The following FIRRM variants were observed in gnomAD, a reference collection of about 807,000 sequenced individuals.
FIRRM encodes FIGNL1-interacting regulator of recombination and mitosis.
At chr1:169,795,411 C>T in the FIRRM span, 1 of 1,402,344 alleles carries the variant, frequency 7.1e-7, no homozygotes, top group Non-Finnish European at 9.3e-7. Context: ...TTAAGTAAGG[C>T]TTTGGCCCTG....
At chr1:169,815,332 T>A in the FIRRM span, among the ~76,000 whole-genome samples, 1 of 151,714 alleles carries the variant, frequency 6.6e-6, no homozygotes, top group Non-Finnish European at 1.5e-5. Context: ...GAATGGTTAC[T>A]CCATAGGTGG....
At chr1:169,789,234 G>T in the FIRRM span, among the ~76,000 whole-genome samples, 1 of 152,336 alleles carries the variant, frequency 6.6e-6, no homozygotes, top group South Asian at 2.1e-4. Flanking sequence ...AGTTCATGGA[G>T]TCAGAGTTTC....
At chr1:169,821,466 G>T in the FIRRM span, among the ~76,000 whole-genome samples, 1 of 151,968 alleles carries the variant, frequency 6.6e-6, no homozygotes, top group Non-Finnish European at 1.5e-5. Flanking sequence ...CAGTAATGTA[G>T]AATTTAATTT....
chr1:169,807,707 C>G, the FIRRM span: 1 of 1,233,214 alleles, frequency 8.1e-7, no homozygotes, highest in Non-Finnish European at 1.1e-6. Flanking sequence ...TTTAAATGTT[C>G]TACAAGGTAG....
chr1:169,820,984 C>T, the FIRRM span, among the ~76,000 whole-genome samples: 1 of 152,154 alleles, frequency 6.6e-6, no homozygotes, highest in Non-Finnish European at 1.5e-5. Flanking sequence ...CATACCTATG[C>T]TAGTATTTCT....
At chr1:169,821,716 A>G in the FIRRM span, 6 of 1,612,022 alleles carry the variant, frequency 3.7e-6, no homozygotes, top group Admixed American at 6.7e-5. Flanking sequence ...AAAACACTCA[A>G]ATTGTGTCGT....
At chr1:169,787,409 C>T in the FIRRM span, among the ~76,000 whole-genome samples, 1 of 152,160 alleles carries the variant, frequency 6.6e-6, no homozygotes, top group Admixed American at 6.5e-5. Flanking sequence ...CCTCAAAAGT[C>T]ACTATCTCCC....
the FIRRM span, chr1:169,799,100 T>C: frequency 2.6e-6 from 1 of 386,460 alleles, no homozygotes; most frequent in Non-Finnish European, 4.7e-6. Context: ...TAACCTTCAG[T>C]TACTTGAAAT....
the FIRRM span, chr1:169,801,036 TATTA>T: frequency 1.3e-6 from 1 of 787,392 alleles, no homozygotes; most frequent in Non-Finnish European, 2.1e-6. Context: ...GATGATTTAT[TATTA>T]ATTATGGCTC....
the FIRRM span, chr1:169,807,693 T>G: frequency 8.9e-7 from 1 of 1,127,486 alleles, no homozygotes; most frequent in African/African-American, 1.6e-5. Context: ...TTTTTGATTG[T>G]TTTTTTAAAT....
chr1:169,810,834 A>ATTTT, the FIRRM span, among the ~76,000 whole-genome samples: 359 of 61,208 alleles, frequency 5.9e-3, 104 homozygotes, highest in East Asian at 0.044. Flanking sequence ...TTAGCCCCCA[A>ATTTT]TTTTTTTTTT....
At chr1:169,823,394 T>C in the FIRRM span, 6 of 1,560,708 alleles carry the variant, frequency 3.8e-6, no homozygotes, top group Non-Finnish European at 5.3e-6. Flanking sequence ...ATGAATAGAG[T>C]TGTTTTATTT....
At chr1:169,847,030 G>A in the FIRRM span, among the ~76,000 whole-genome samples, 14 of 152,142 alleles carry the variant, frequency 9.2e-5, no homozygotes, top group Admixed American at 9.2e-4. Flanking sequence ...GAATAGGGAA[G>A]CCCAAGGAGA....
the FIRRM span, among the ~76,000 whole-genome samples, chr1:169,823,968 A>G: frequency 6.6e-6 from 1 of 152,176 alleles, no homozygotes; most frequent in Non-Finnish European, 1.5e-5. Context: ...TCTAAAATTG[A>G]TGGTTTCCTC....
chr1:169,842,716 T>C, the FIRRM span, among the ~76,000 whole-genome samples: 1 of 152,166 alleles, frequency 6.6e-6, no homozygotes, highest in African/African-American at 2.4e-5. Context: ...CAGAGTGTGA[T>C]AGCATTATAT....
the FIRRM span, among the ~76,000 whole-genome samples, chr1:169,823,883 CTT>C: frequency 5.3e-5 from 8 of 152,146 alleles, no homozygotes; most frequent in African/African-American, 1.9e-4. Flanking sequence ...ACAGGACAGT[CTT>C]TTTTCTGAAA....
At chr1:169,813,680 A>T in the FIRRM span, among the ~76,000 whole-genome samples, 2 of 152,212 alleles carry the variant, frequency 1.3e-5, no homozygotes, top group Non-Finnish European at 2.9e-5. Context: ...TCCACAGAAA[A>T]AGGAGAAGGT....
the FIRRM span, chr1:169,795,101 G>A: frequency 6.5e-7 from 1 of 1,535,478 alleles, no homozygotes; most frequent in African/African-American, 1.4e-5. Context: ...TTTGACGAAA[G>A]TATGTCTCAG....
the FIRRM span, chr1:169,796,021 G>A: frequency 1.0e-6 from 1 of 956,426 alleles, no homozygotes; most frequent in South Asian, 4.8e-5. Flanking sequence ...CACAACATTT[G>A]AGCCCAGCTT....
Sources: gnomAD v4.1 joint callset for allele counts (sites outside exome capture counted in the v4.1 genomes callset) on GRCh38, gnomAD v4.1.1 for gene constraint, MANE v1.5 for transcripts, NCBI Gene and HGNC (gene_info 2026-07-23, HGNC 2026-07-21) for gene names.